RPTOR: variants seen among roughly 807,000 people sequenced by gnomAD.
The protein encoded by RPTOR is regulatory associated protein of MTOR complex 1.
Under a neutral mutation model 169.9 loss-of-function variants are expected in RPTOR, and 21 were observed. That is an observed-to-expected ratio of 0.12 (90% CI 0.09 to 0.18). The LOEUF is 0.18. RPTOR is among the 10% of genes least tolerant of loss of function. The pLI is 1.00. For synonymous variants in RPTOR, 732 were observed against 753.2 expected (o/e 0.97, Z 0.46); for missense variants, 1,133 against 1,855.9 (o/e 0.61, Z 7.16).
chr17:80,958,863 G>A (rs1167934411), intron 29 of RPTOR, among the ~76,000 whole-genome samples: 1 of 152,240 alleles, frequency 6.6e-6, no homozygotes, highest in African/African-American at 2.4e-5. Context: ...TTCATTTGGA[G>A]CAGAGGCGAG....
At position 80,708,144 on chromosome 17, in the gene RPTOR, G is replaced by A. The variant is rs1045111329; in HGVS notation, c.507+145G>A. The A allele has an allele frequency of 9.0e-6, 7 of 776,294 alleles. No homozygotes were observed. Among genetic ancestry groups the A allele is most frequent in the East Asian group, 2.7e-5 (1 of 36,770 alleles). 48.1% of individuals were successfully genotyped at this position (776,294 alleles called of 1,614,324 possible). ...ACAAACCCAAATGCCATAACTGAAC[G>A]GACCAGGTAGTCAGGCACAAGGAGG... is the stretch of plus-strand genomic sequence containing the variant. On this transcript the variant is annotated intron_variant, in intron 4 of 33. Coordinates refer to ENST00000306801, the MANE Select transcript of RPTOR (RefSeq NM_020761.3). This position sits in a 1 kb window ranked among gnomAD's most constrained non-coding sequence, Gnocchi z 4.2.
chr17:80,703,146 G>T (rs1406794015), intron 3 of RPTOR, among the ~76,000 whole-genome samples: 1 of 152,114 alleles, frequency 6.6e-6, no homozygotes, highest in African/African-American at 2.4e-5. Context: ...CACTATGCAT[G>T]GGGGATTTCT....
At chr17:80,550,196 A>T (rs2084327739) in intron 1 of RPTOR, among the ~76,000 whole-genome samples, 1 of 152,138 alleles carries the variant, frequency 6.6e-6, no homozygotes, top group Non-Finnish European at 1.5e-5. Flanking sequence ...TGGTCTCCAT[A>T]TGGCCCCAGT....
intron 21 of RPTOR, among the ~76,000 whole-genome samples, chr17:80,918,494 G>A (rs1317253980): frequency 8.8e-5 from 9 of 102,534 alleles, no homozygotes; most frequent in African/African-American, 2.2e-4. Context: ...GAGCACCCTC[G>A]CGGGGGTCAT....
chr17:80,570,826 A>G (rs764790043), intron 1 of RPTOR, among the ~76,000 whole-genome samples: 2 of 152,144 alleles, frequency 1.3e-5, no homozygotes, highest in Non-Finnish European at 2.9e-5. Flanking sequence ...CACTGAACCT[A>G]ATTATCCCCC....
intron 13 of RPTOR, among the ~76,000 whole-genome samples, chr17:80,866,059 T>G (rs2067986460): frequency 6.6e-6 from 1 of 151,776 alleles, no homozygotes; most frequent in African/African-American, 2.4e-5. Flanking sequence ...TTAAGTAAAT[T>G]AATATATATG....
chr17:80,775,410 A>T (rs1028949489), intron 6 of RPTOR, among the ~76,000 whole-genome samples: 8 of 152,142 alleles, frequency 5.3e-5, no homozygotes, highest in Non-Finnish European at 1.2e-4. Flanking sequence ...ATACCCAGCC[A>T]GTCTTCTCTT....
intron 25 of RPTOR, among the ~76,000 whole-genome samples, chr17:80,945,243 T>C (rs895158811): frequency 4.0e-5 from 6 of 151,846 alleles, no homozygotes; most frequent in African/African-American, 1.5e-4. Flanking sequence ...CAGTGAGCCA[T>C]GATCACACCA....
At chr17:80,869,156 AT>A (rs1598365153) in intron 13 of RPTOR, among the ~76,000 whole-genome samples, 1 of 152,116 alleles carries the variant, frequency 6.6e-6, no homozygotes, top group East Asian at 1.9e-4. Context: ...TCTAGATTTT[AT>A]TTTGTTTTTT....
intron 25 of RPTOR, among the ~76,000 whole-genome samples, chr17:80,945,166 GC>G (rs566460808): frequency 6.3e-4 from 96 of 151,798 alleles, no homozygotes; most frequent in African/African-American, 2.2e-3. Flanking sequence ...GTGGCGGTGC[GC>G]GCCTATGTCC....
chr17:80,836,497 C>A (rs955487092), intron 9 of RPTOR, among the ~76,000 whole-genome samples: 1 of 152,150 alleles, frequency 6.6e-6, no homozygotes, highest in African/African-American at 2.4e-5. Flanking sequence ...GTCTCATGAT[C>A]ATGTCTCCCT....
intron 2 of RPTOR, among the ~76,000 whole-genome samples, chr17:80,632,877 T>C (rs892934219): frequency 6.6e-6 from 1 of 152,188 alleles, no homozygotes; most frequent in African/African-American, 2.4e-5. Flanking sequence ...TGATCATAGC[T>C]CACTGCAGCC....
intron 17 of RPTOR, among the ~76,000 whole-genome samples, chr17:80,888,050 G>A (rs1472897680): frequency 3.3e-5 from 5 of 152,148 alleles, no homozygotes. Flanking sequence ...GGGCTTGGAT[G>A]GGGGCTTACT....
intron 2 of RPTOR, among the ~76,000 whole-genome samples, chr17:80,631,051 C>T (rs576259702): frequency 1.3e-5 from 2 of 152,284 alleles, no homozygotes; most frequent in South Asian, 4.2e-4. Context: ...GAATTCTGTG[C>T]CCAGGGCGTG....
chr17:80,624,315 G>A lies in RPTOR; in HGVS notation c.163-1376G>A, dbSNP rs113831378. On this transcript the variant is annotated intron_variant, in intron 1 of 33. Coordinates refer to ENST00000306801, the MANE Select transcript of RPTOR (RefSeq NM_020761.3). The stretch of plus-strand genomic sequence containing the variant: ...GTATAGAAAAATAGAATATTATGAG[G>A]ATGTTACTTCTTAACGTTAAGTTAA... Among the ~76,000 whole-genome samples the A allele has an allele frequency of 4.6e-5, 7 of 152,144 alleles. No individual in the cohort carries two copies. The East Asian group carries it at 1.4e-3, about 29-fold the overall frequency.
chr17:80,685,292 G>A (rs138083895), intron 3 of RPTOR, among the ~76,000 whole-genome samples: 166 of 144,432 alleles, frequency 1.1e-3, no homozygotes, highest in African/African-American at 4.4e-3. Context: ...TTTATTGTAA[G>A]TGAGTTGAGG....
At chr17:80,703,371 A>T (rs2066117390) in intron 3 of RPTOR, among the ~76,000 whole-genome samples, 1 of 152,132 alleles carries the variant, frequency 6.6e-6, no homozygotes, top group Admixed American at 6.5e-5. Context: ...AAGTGGTTTT[A>T]ATGTGCATGA....
chr17:80,962,796 A>AGGG (rs976152372), intron 32 of RPTOR, 132 bp from the exon 33 acceptor site: 80 of 1,459,526 alleles, frequency 5.5e-5, no homozygotes, highest in African/African-American at 7.0e-5. Flanking sequence ...GAGTGACCAG[A>AGGG]GGGTCACACC....
intron 3 of RPTOR, among the ~76,000 whole-genome samples, chr17:80,662,745 G>C (rs1166056015): frequency 6.6e-6 from 1 of 152,196 alleles, no homozygotes; most frequent in Non-Finnish European, 1.5e-5. Flanking sequence ...GGTATCATTA[G>C]TGACATCTAC....
Sources: gnomAD v4.1 joint callset for allele counts (sites outside exome capture counted in the v4.1 genomes callset) on GRCh38, gnomAD v4.1.1 for gene constraint, Gnocchi (gnomAD v3.1) non-coding constraint, MANE v1.5 for transcripts, NCBI Gene and HGNC (gene_info 2026-07-23, HGNC 2026-07-21) for gene names.